The following SNX6 variants were observed in gnomAD, a reference collection of about 807,000 sequenced individuals.
The protein encoded by SNX6 is sorting nexin 6.
In SNX6, 34 loss-of-function variants were observed where a neutral mutation model predicts 63.0. That is an observed-to-expected ratio of 0.54 (90% CI 0.41 to 0.72). SNX6 has a LOEUF of 0.72. Among genes scored for constraint, SNX6 ranks in the 30% least tolerant of loss-of-function variants. The pLI, the probability that SNX6 is intolerant of heterozygous loss-of-function variation, is 0.00. For synonymous variants in SNX6, 170 were observed against 164.2 expected (o/e 1.04, Z -0.27); for missense variants, 398 against 471.4 (o/e 0.84, Z 1.44).
At chr14:34,614,057 A>AAG (rs1459865252) in intron 2 of SNX6, among the ~76,000 whole-genome samples, 1 of 152,062 alleles carries the variant, frequency 6.6e-6, no homozygotes, top group African/African-American at 2.4e-5. Context: ...CAGTGAGGTG[A>AAG]GATGGTGCCA....
At chr14:34,602,228 C>A (rs1242078157) in intron 6 of SNX6, among the ~76,000 whole-genome samples, 2 of 151,618 alleles carry the variant, frequency 1.3e-5, no homozygotes, top group South Asian at 4.2e-4. Context: ...GAGTTTGAGA[C>A]CAGCCTGACC....
At chr14:34,627,887 C>T (rs1030818118) in intron 2 of SNX6, among the ~76,000 whole-genome samples, 1 of 152,122 alleles carries the variant, frequency 6.6e-6, no homozygotes, top group South Asian at 2.1e-4. Context: ...TCCCAAAATG[C>T]TGGGATTAAA....
chr14:34,622,233 A>G (rs1395874913), intron 2 of SNX6, among the ~76,000 whole-genome samples: 3 of 148,394 alleles, frequency 2.0e-5, no homozygotes, highest in Non-Finnish European at 4.5e-5. Context: ...TAGTGCTGGG[A>G]TTATAGGCAT....
At chr14:34,591,635 C>T (rs1882397571) in intron 8 of SNX6, among the ~76,000 whole-genome samples, 2 of 152,196 alleles carry the variant, frequency 1.3e-5, no homozygotes, top group South Asian at 4.1e-4. Flanking sequence ...AAAGAACATA[C>T]AGACTACCAG....
At chr14:34,573,978 T>TA (rs1881570718) in intron 11 of SNX6, among the ~76,000 whole-genome samples, 1 of 152,012 alleles carries the variant, frequency 6.6e-6, no homozygotes, top group South Asian at 2.1e-4. Flanking sequence ...AGTTGCCTTA[T>TA]AAAAAAGCGT....
chr14:34,563,409 A>G (rs1881019532), intron 13 of SNX6, among the ~76,000 whole-genome samples: 1 of 152,098 alleles, frequency 6.6e-6, no homozygotes, highest in Non-Finnish European at 1.5e-5. Context: ...AATACAAAAA[A>G]TTAGCCGGGC....
chr14:34,567,694 G>T lies in SNX6; in HGVS notation c.1159C>A (p.His387Asn). 6.2e-7 allele frequency: 1 copy of T among 1,611,682 alleles called. No individual in the cohort carries two copies. Among genetic ancestry groups the T allele is most frequent in the Non-Finnish European group, 8.5e-7 (1 of 1,177,990 alleles). ...LVELAELELK[H>N]AKGNLQLLQN... ...CTTTATTACAACACTACCTTTGCAT[G>T]CTTCAGTTCTAACTCTGCCAGTTCC... The change falls in exon 13 of 14, where the codon CAT becomes AAT. Residue 387 changes from histidine to asparagine, a missense_variant. His to Asn is a moderately conservative substitution (Grantham distance 68, BLOSUM62 1). Transcript: ENST00000362031.
intron 8 of SNX6, among the ~76,000 whole-genome samples, chr14:34,587,864 G>C (rs1480893143): frequency 1.3e-5 from 2 of 148,220 alleles, no homozygotes; most frequent in African/African-American, 2.5e-5. Context: ...AGGCTGGAGT[G>C]CAGTGGTGGG....
chr14:34,600,787 C>G (rs1424453012), intron 6 of SNX6, among the ~76,000 whole-genome samples: 2 of 152,040 alleles, frequency 1.3e-5, no homozygotes, highest in African/African-American at 4.8e-5. Context: ...CCTGTAATCC[C>G]AGCACCTTGG....
intron 3 of SNX6, 55 bp from the exon 4 acceptor site, chr14:34,608,195 T>C (rs1883094411): frequency 9.8e-7 from 1 of 1,015,506 alleles, no homozygotes; most frequent in Non-Finnish European, 1.5e-6. Flanking sequence ...AAAAAGTTTT[T>C]TGAAACTGGG....
chr14:34,581,387 C>T (rs1244801572), intron 10 of SNX6, among the ~76,000 whole-genome samples, 174 bp downstream of exon 10: 2 of 152,114 alleles, frequency 1.3e-5, no homozygotes, highest in Non-Finnish European at 2.9e-5. Context: ...CTCGTGACCT[C>T]GTGATCCGCC....
intron 7 of SNX6, among the ~76,000 whole-genome samples, 189 bp from the exon 8 acceptor site, chr14:34,593,339 C>A (rs950247290): frequency 2.6e-5 from 4 of 151,804 alleles, no homozygotes; most frequent in Non-Finnish European, 5.9e-5. Flanking sequence ...AGTAAGAAAT[C>A]TTCTATGACT....
intron 4 of SNX6, among the ~76,000 whole-genome samples, chr14:34,607,441 T>C (rs951764377): frequency 2.6e-5 from 4 of 151,434 alleles, no homozygotes; most frequent in African/African-American, 9.7e-5. Flanking sequence ...ATCCCGTCTC[T>C]ACTTAAAAAA....
chr14:34,591,595 C>CA (rs546503360), intron 8 of SNX6, among the ~76,000 whole-genome samples: 3,506 of 143,738 alleles, frequency 0.024, 57 homozygotes, highest in Middle Eastern at 0.058. Context: ...GACTCCGCCT[C>CA]AAAAAAAAAA....
At position 34,593,150 on chromosome 14, in the gene SNX6, C is replaced by A; in HGVS notation, c.613G>T (p.Asp205Tyr). 1 of 1,560,162 alleles carries A rather than the reference C, an allele frequency of 6.4e-7. No individual in the cohort carries two copies. Among genetic ancestry groups the A allele is most frequent in the Non-Finnish European group, 8.7e-7 (1 of 1,150,982 alleles). The change falls in exon 8 of 14, where the codon GAT becomes TAT. Residue 205 changes from aspartate (D) to tyrosine (Y), a missense_variant and splice_region_variant. Asp to Tyr is a radical substitution (Grantham distance 160, BLOSUM62 -3). Coordinates refer to ENST00000362031, the MANE Select transcript of SNX6 (RefSeq NM_152233.4). Reference sequence around the variant, plus strand: ...TCGTGCTCAAAGAAATCATCTACATCCTATAAGATCAAAAGAAAATATAAA... The same window carrying A: ...TCGTGCTCAAAGAAATCATCTACATACTATAAGATCAAAAGAAAATATAAA... Reference protein sequence around the residue: ...ADGVIVSGVKDVDDFFEHERT... With the variant: ...ADGVIVSGVKYVDDFFEHERT...
At chr14:34,601,873 G>C (rs758274158) in intron 6 of SNX6, among the ~76,000 whole-genome samples, 3 of 151,698 alleles carry the variant, frequency 2.0e-5, no homozygotes, top group African/African-American at 7.3e-5. Flanking sequence ...GGGATTACAG[G>C]TTACAGGCAT....
chr14:34,609,296 C>T (rs568264632), intron 3 of SNX6, among the ~76,000 whole-genome samples: 2 of 151,272 alleles, frequency 1.3e-5, no homozygotes, highest in Admixed American at 1.3e-4. Context: ...ACAGTGAAAC[C>T]CCGTCTCTAC....
At chr14:34,592,844 C>T (rs1320788811) in intron 8 of SNX6, among the ~76,000 whole-genome samples, 3 of 152,322 alleles carry the variant, frequency 2.0e-5, no homozygotes, top group South Asian at 2.1e-4. Flanking sequence ...CCAAAAGTGT[C>T]GTGATCACAG....
chr14:34,602,294 C>T (rs972063942), intron 6 of SNX6, among the ~76,000 whole-genome samples: 2 of 151,892 alleles, frequency 1.3e-5, no homozygotes, highest in Non-Finnish European at 2.9e-5. Flanking sequence ...GGCATGGTGG[C>T]GCATTCCTGT....
Sources: gnomAD v4.1 joint callset for allele counts (sites outside exome capture counted in the v4.1 genomes callset) on GRCh38, gnomAD v4.1.1 for gene constraint, MANE v1.5 for transcripts, NCBI Gene and HGNC (gene_info 2026-07-23, HGNC 2026-07-21) for gene names.